Variants in LRP6 observed in about 807,000 individuals in gnomAD.
LRP6 encodes LDL receptor related protein 6, also known as low-density lipoprotein receptor-related protein 6.
LRP6 carries 43 observed loss-of-function variants against 184.1 expected under a neutral mutation model. That is an observed-to-expected ratio of 0.23 (90% CI 0.18 to 0.30). LRP6 has a LOEUF of 0.30. LRP6 is among the 10% of genes least tolerant of loss of function. LRP6 has a pLI of 1.00. For synonymous variants in LRP6, 719 were observed against 684.9 expected (o/e 1.05, Z -0.78); for missense variants, 1,571 against 2,005.3 (o/e 0.78, Z 4.14).
At chr12:12,122,202 A>G (rs1405172223) in intron 22 of LRP6, among the ~76,000 whole-genome samples, 2 of 152,232 alleles carry the variant, frequency 1.3e-5, no homozygotes, top group African/African-American at 4.8e-5. Context: ...ACTGCTAACT[A>G]AAGAAAAAGG....
chr12:12,263,172 G>C lies in LRP6; in HGVS notation c.55+3509C>G, dbSNP rs767193151. 3.8e-4 allele frequency among the ~76,000 whole-genome samples: 57 copies of C among 151,782 alleles called. 2 individuals carry two copies. The highest frequency in any genetic ancestry group is 6.3e-4 in the Non-Finnish European group (43 of 68,002). On this transcript the variant is annotated intron_variant, in intron 1 of 22. Coordinates refer to ENST00000261349, the MANE Select transcript of LRP6 (RefSeq NM_002336.3). ...TCCAGCTACTCAGGAGGTTGAGGTA[G>C]GAGTATCGCTTGAACCCGGGAGGCG... is the stretch of plus-strand genomic sequence containing the variant.
chr12:12,172,763 A>G (rs1863078936), intron 7 of LRP6, among the ~76,000 whole-genome samples: 1 of 152,244 alleles, frequency 6.6e-6, no homozygotes, highest in African/African-American at 2.4e-5. Context: ...AACACAGAAT[A>G]TTTATCCACG....
chr12:12,139,104 C>T, intron 15 of LRP6: 1 of 860,088 alleles, frequency 1.2e-6, no homozygotes, highest in Non-Finnish European at 1.5e-6. Context: ...TTCATACCCC[C>T]CACCCTGCTT....
chr12:12,235,088 G>GA lies in LRP6; in HGVS notation c.449+9173dup, dbSNP rs1212543009. 3.9e-5 allele frequency among the ~76,000 whole-genome samples: 6 copies of GA among 152,146 alleles called. No homozygotes were observed. In the East Asian group the frequency reaches 9.6e-4, roughly 24 times the overall value. ...TTTTTGTATTATTTTTTACTGTTAG[G>GA]AACATGTCAATTGTTTCACATAACA... On this transcript the variant is annotated intron_variant, in intron 2 of 22. Coordinates refer to ENST00000261349, the MANE Select transcript of LRP6 (RefSeq NM_002336.3).
At chr12:12,176,944 T>A (rs7309443) in intron 7 of LRP6, among the ~76,000 whole-genome samples, 7,771 of 150,122 alleles carry the variant, frequency 0.052, 681 homozygotes, top group African/African-American at 0.18. Context: ...GCCTGCCGGG[T>A]TCAAGTGATT....
chr12:12,179,720 GA>G, intron 7 of LRP6, 89 bp downstream of exon 7: 1 of 1,430,286 alleles, frequency 7.0e-7, no homozygotes, highest in Non-Finnish European at 9.7e-7. Context: ...CAACTGTTAA[GA>G]AAAAAGAATA....
intron 2 of LRP6, among the ~76,000 whole-genome samples, chr12:12,205,327 AAC>A (rs1301060985): frequency 5.0e-4 from 50 of 100,618 alleles, no homozygotes; most frequent in African/African-American, 1.6e-3. Context: ...GTCTCAAACA[AAC>A]AAAAAAAAAA....
chr12:12,227,224 C>T (rs1864649920), intron 2 of LRP6, among the ~76,000 whole-genome samples: 1 of 152,082 alleles, frequency 6.6e-6, no homozygotes. Context: ...TGAAGGAGAA[C>T]TAAAGACTTT....
intron 1 of LRP6, among the ~76,000 whole-genome samples, chr12:12,260,568 T>C (rs535352124): frequency 6.6e-6 from 1 of 152,260 alleles, no homozygotes; most frequent in African/African-American, 2.4e-5. Flanking sequence ...ACACTTAAAA[T>C]GTTTTACCAG....
At chr12:12,211,476 A>G (rs1037540407) in intron 2 of LRP6, among the ~76,000 whole-genome samples, 2 of 152,158 alleles carry the variant, frequency 1.3e-5, no homozygotes, top group Admixed American at 1.3e-4. Context: ...TTAGATAGAC[A>G]TGGTTTGGGA....
intron 1 of LRP6, among the ~76,000 whole-genome samples, chr12:12,266,436 G>A (rs1467980089): frequency 6.6e-6 from 1 of 152,170 alleles, no homozygotes; most frequent in Non-Finnish European, 1.5e-5. Flanking sequence ...AAGACCAGCA[G>A]CCGGGATCGA....
intron 2 of LRP6, among the ~76,000 whole-genome samples, chr12:12,223,879 C>T (rs1864549781): frequency 6.6e-6 from 1 of 152,132 alleles, no homozygotes; most frequent in Non-Finnish European, 1.5e-5. Flanking sequence ...TACCACAATC[C>T]ACCATCCACT....
intron 10 of LRP6, among the ~76,000 whole-genome samples, chr12:12,160,477 A>T (rs1480138776): frequency 6.6e-6 from 1 of 152,232 alleles, no homozygotes; most frequent in Non-Finnish European, 1.5e-5. Context: ...CTTTAACTGA[A>T]GTCAAAAGCA....
In LRP6 at chr12:12,162,236, C is replaced by T. The variant is rs1182585975; in HGVS notation, c.2236G>A (p.Asp746Asn). 6.2e-7 allele frequency: 1 copy of T among 1,614,074 alleles called. No homozygotes were observed. Among genetic ancestry groups the T allele is most frequent in the African/African-American group, 1.3e-5 (1 of 74,928 alleles). ...GQHRQVLVWKDLDSPRALALD... is the reference protein window; with the variant it reads ...GQHRQVLVWKNLDSPRALALD... The stretch of plus-strand genomic sequence containing the variant: ...GCGAGAGCTCTGGGACTATCTAGGT[C>T]TTTCCACACCAAAACTTGTCGGTGC... Residue 746 changes from aspartate to asparagine, a missense_variant, in exon 10 of 23, where the codon GAC becomes AAC. By Grantham distance (23) the Asp-to-Asn change is conservative (BLOSUM62 1). Transcript: ENST00000261349.
At position 12,170,199 on chromosome 12, in the gene LRP6, G is replaced by T. The variant is rs1391439783; in HGVS notation, c.1546-4904C>A. Among the ~76,000 whole-genome samples, 42 of 152,220 alleles carry T rather than the reference G, an allele frequency of 2.8e-4. 1 individual carries two copies. Among genetic ancestry groups the T allele is most frequent in the Admixed American group, 2.7e-3 (42 of 15,286 alleles). On this transcript the variant is annotated intron_variant, in intron 7 of 22. Transcript: ENST00000261349. ...AAAATACAAAAATGAGCCAGGTGTG[G>T]AGATGCACACCTGTAATCCCAGCTA...
intron 3 of LRP6, among the ~76,000 whole-genome samples, chr12:12,202,983 G>A (rs1863955354): frequency 6.6e-6 from 1 of 152,218 alleles, no homozygotes; most frequent in South Asian, 2.1e-4. Context: ...TCAGAGTAAG[G>A]AAAGAGGAAA....
At chr12:12,159,355 CA>C (rs1267338823) in intron 11 of LRP6, among the ~76,000 whole-genome samples, 200 bp from the exon 12 acceptor site, 3 of 121,816 alleles carry the variant, frequency 2.5e-5, no homozygotes, top group Non-Finnish European at 5.6e-5. Context: ...CTTCTGACCC[CA>C]TGCTTCAAAC....
intron 7 of LRP6, among the ~76,000 whole-genome samples, chr12:12,168,554 G>A (rs1258798160): frequency 6.6e-6 from 1 of 152,174 alleles, no homozygotes. Flanking sequence ...AGGATAAGGA[G>A]AATTACAGAA....
chr12:12,154,363 G>A (rs1043629750), intron 12 of LRP6, among the ~76,000 whole-genome samples: 1 of 152,084 alleles, frequency 6.6e-6, no homozygotes, highest in Non-Finnish European at 1.5e-5. Context: ...TAACACTGCA[G>A]TCCCTGTCAC....
Sources: gnomAD v4.1 joint callset for allele counts (sites outside exome capture counted in the v4.1 genomes callset) on GRCh38, gnomAD v4.1.1 for gene constraint, MANE v1.5 for transcripts, NCBI Gene and HGNC (gene_info 2026-07-23, HGNC 2026-07-21) for gene names.